Variants in RASL12 observed in about 807,000 individuals in gnomAD.
The protein encoded by RASL12 is RAS like family 12, also known as ras-like protein family member 12.
Under a neutral mutation model 22.9 loss-of-function variants are expected in RASL12, and 16 were observed. The ratio of observed to expected loss-of-function variants is 0.70; its 90% CI spans 0.47 to 1.06. RASL12 has a LOEUF of 1.06. Among genes scored for constraint, RASL12 ranks in the 50% least tolerant of loss-of-function variants. The probability of loss-of-function intolerance (pLI) is 0.00; values close to 1 mark genes in which losing one functional copy is unlikely to be tolerated. For missense variants in RASL12, 306 were observed against 353.1 expected, an observed-to-expected ratio of 0.87 and a Z score of 1.07; for synonymous variants, 159 against 152.2, an observed-to-expected ratio of 1.04 and a Z score of -0.33.
At position 65,054,733 on chromosome 15, in the gene RASL12, T is replaced by G. The variant is rs2140513467; in HGVS notation, c.*166A>C. On this transcript the variant is annotated 3_prime_UTR_variant, in exon 5 of 5. Transcript: ENST00000220062. ...CTGGAGGGAACAGAAGCAGCATCCC[T>G]GCCTGCCACTCCAGCTCACACAGTG... 1.4e-6 allele frequency: 2 copies of G among 1,441,440 alleles called. No individual in the cohort carries two copies. The highest frequency in any genetic ancestry group is 1.8e-6 in the Non-Finnish European group (2 of 1,102,354). 89.3% of individuals were successfully genotyped at this position (1,441,440 alleles called of 1,614,324 possible).
chr15:65,053,516 G>C lies in RASL12; in HGVS notation c.*1383C>G. The C allele has an allele frequency of 9.4e-7, 1 of 1,060,458 alleles. No individual in the cohort carries two copies. Among genetic ancestry groups the C allele is most frequent in the Non-Finnish European group, 1.1e-6 (1 of 877,474 alleles). 65.7% of individuals were successfully genotyped at this position (1,060,458 alleles called of 1,614,324 possible). ...AAGCCTGTAGGACTGCAAGCATGTGGTCTTGAGTAGTTCACAGCCCCCCTC... is the reference window on the plus strand; with the variant it reads ...AAGCCTGTAGGACTGCAAGCATGTGCTCTTGAGTAGTTCACAGCCCCCCTC... On this transcript the variant is annotated 3_prime_UTR_variant, in exon 5 of 5. Coordinates refer to ENST00000220062, the MANE Select transcript of RASL12 (RefSeq NM_016563.4).
chr15:65,059,995 A>C (rs1302834802), intron 2 of RASL12, among the ~76,000 whole-genome samples: 1 of 152,234 alleles, frequency 6.6e-6, no homozygotes, highest in Non-Finnish European at 1.5e-5. Context: ...TGTGGTATTA[A>C]ACCCAATGTC....
At chr15:65,063,060 A>G (rs1244827577) in intron 2 of RASL12, among the ~76,000 whole-genome samples, 1 of 152,152 alleles carries the variant, frequency 6.6e-6, no homozygotes, top group Non-Finnish European at 1.5e-5. Flanking sequence ...CAGAACTCCA[A>G]AATTATTCAA....
intron 2 of RASL12, among the ~76,000 whole-genome samples, chr15:65,062,933 T>C (rs1595907368): frequency 6.6e-6 from 1 of 152,142 alleles, no homozygotes; most frequent in South Asian, 2.1e-4. Flanking sequence ...GAATGTCTGG[T>C]TGGCTCTCTG....
the RASL12 span, among the ~76,000 whole-genome samples, chr15:65,048,195 GAAAAAAAAA>G: frequency 8.1e-6 from 1 of 124,220 alleles, no homozygotes; most frequent in Non-Finnish European, 1.9e-5. Flanking sequence ...GAAAAAAAAA[GAAAAAAAAA>G]AAAGTCTAAG....
At chr15:65,053,223 G>A, downstream of RASL12, 2 of 1,576,282 alleles carry the variant, frequency 1.3e-6, no homozygotes. Flanking sequence ...CAGCTCAGTG[G>A]CCTGAAACCT....
downstream of RASL12, chr15:65,050,135 G>A: frequency 6.6e-7 from 1 of 1,519,640 alleles, no homozygotes; most frequent in African/African-American, 1.4e-5. Flanking sequence ...AGGGGTGGGG[G>A]TGTGCCCCTC....
chr15:65,050,833 C>CTTTTTTTTTTTTTTT (rs67418433), downstream of RASL12, among the ~76,000 whole-genome samples: 296 of 88,564 alleles, frequency 3.3e-3, no homozygotes, highest in Non-Finnish European at 4.3e-3. Context: ...TCTTCTTCTT[C>CTTTTTTTTTTTTTTT]TTCTTTTTTT....
upstream of RASL12, among the ~76,000 whole-genome samples, chr15:65,069,104 C>T (rs2140535988): frequency 6.6e-6 from 1 of 152,328 alleles, no homozygotes; most frequent in African/African-American, 2.4e-5. Flanking sequence ...CACCCACCCA[C>T]AGAGGAACCA....
At chr15:65,076,321 G>A (rs2086968822) in intron 1 of RASL12, among the ~76,000 whole-genome samples, 2 of 152,144 alleles carry the variant, frequency 1.3e-5, no homozygotes, top group South Asian at 2.1e-4. Flanking sequence ...CTTCACTCCT[G>A]AGGCCAGCGA....
At chr15:65,052,837 C>T (rs1273373572), downstream of RASL12, 13 of 750,618 alleles carry the variant, frequency 1.7e-5, no homozygotes, top group Non-Finnish European at 2.6e-5. Context: ...CAACCATTGC[C>T]GCTTCTCCTC....
Position 65,053,947 on chromosome 15 carries a change from C to T in RASL12, c.*952G>A, listed in dbSNP as rs946778870. 12 of 985,722 alleles carry T rather than the reference C, an allele frequency of 1.2e-5. No homozygotes were observed. In the African/African-American group the frequency reaches 2.1e-4, roughly 17 times the overall value. 61.1% of individuals were successfully genotyped at this position (985,722 alleles called of 1,614,324 possible). On this transcript the variant is annotated 3_prime_UTR_variant, in exon 5 of 5. Coordinates refer to ENST00000220062, the MANE Select transcript of RASL12 (RefSeq NM_016563.4). ...AAAATGCTTTAGGTTCTAAAGTGGG[C>T]TTTGAACACTCAGACTCATTGCTGA...
chr15:65,074,452 G>A (rs1179770326), intron 1 of RASL12, among the ~76,000 whole-genome samples: 1 of 151,178 alleles, frequency 6.6e-6, no homozygotes, highest in Non-Finnish European at 1.5e-5. Context: ...GGAGTGCAAT[G>A]GCACGAGCTC....
In RASL12 at chr15:65,064,742, A is replaced by T. The variant is rs1445283031; in HGVS notation, c.160+475T>A. ...CTCCCTAGAAGCTGGGATTACAGGCACACACCACTATGCCCAGCTAATTTT... is the reference window on the plus strand; with the variant it reads ...CTCCCTAGAAGCTGGGATTACAGGCTCACACCACTATGCCCAGCTAATTTT... On this transcript the variant is annotated intron_variant, in intron 2 of 4. Transcript: ENST00000220062. Among the ~76,000 whole-genome samples the T allele has an allele frequency of 3.9e-5, 6 of 151,938 alleles. No homozygotes were observed. The East Asian group carries it at 9.7e-4, about 24-fold the overall frequency.
At chr15:65,046,814 G>A in the RASL12 span, among the ~76,000 whole-genome samples, 5 of 151,904 alleles carry the variant, frequency 3.3e-5, no homozygotes, top group Admixed American at 1.3e-4. Flanking sequence ...TCAGGAGGCT[G>A]AGGTGAGAGG....
At chr15:65,067,003 C>T (rs572552935) in intron 1 of RASL12, among the ~76,000 whole-genome samples, 12 of 152,342 alleles carry the variant, frequency 7.9e-5, no homozygotes, top group African/African-American at 2.9e-4. Context: ...CAAGGACAAT[C>T]CCATGCACCT....
At chr15:65,075,124 A>G (rs1361564583) in intron 1 of RASL12, among the ~76,000 whole-genome samples, 1 of 152,242 alleles carries the variant, frequency 6.6e-6, no homozygotes, top group Non-Finnish European at 1.5e-5. Context: ...CGGAGCAGTC[A>G]GCCAGCCCTG....
upstream of RASL12, among the ~76,000 whole-genome samples, chr15:65,071,709 A>G (rs1298701640): frequency 6.6e-6 from 1 of 151,928 alleles, no homozygotes; most frequent in African/African-American, 2.4e-5. Context: ...GGGCCTGGCA[A>G]TGGTTCCATC....
chr15:65,067,984 A>G lies in RASL12; in HGVS notation c.-149T>C. ...CGTCCGCGCCCTCGGCCCCGCGTCC[A>G]GCGGGCTGCCACCCCGCGGGGAGGA... On this transcript the variant is annotated 5_prime_UTR_variant, in exon 1 of 5. Transcript: ENST00000220062. 2 of 1,165,722 alleles carry G rather than the reference A, an allele frequency of 1.7e-6. No homozygotes were observed. Among genetic ancestry groups the G allele is most frequent in the Non-Finnish European group, 2.1e-6 (2 of 945,898 alleles). The allele number at this position is 1,165,722 out of a possible 1,614,324, so 72.2% of individuals were successfully genotyped here.
Sources: gnomAD v4.1 joint callset for allele counts (sites outside exome capture counted in the v4.1 genomes callset) on GRCh38, gnomAD v4.1.1 for gene constraint, MANE v1.5 for transcripts, NCBI Gene and HGNC (gene_info 2026-07-23, HGNC 2026-07-21) for gene names.